Variants in SCRN3 observed in about 807,000 individuals in gnomAD.
SCRN3 encodes secernin-3.
In SCRN3, 39 loss-of-function variants were observed where a neutral mutation model predicts 43.1. The ratio of observed to expected loss-of-function variants is 0.91; its 90% CI spans 0.70 to 1.18. The LOEUF is 1.18. Ranked by LOEUF, SCRN3 falls within the 50% of genes most tolerant of loss-of-function variation. SCRN3 has a pLI of 0.00. For missense variants in SCRN3, 484 were observed against 498.0 expected (o/e 0.97, Z 0.27); for synonymous variants, 147 against 163.1 (o/e 0.90, Z 0.75).
intron 5 of SCRN3, chr2:174,409,940 G>A (rs1685843840): frequency 6.9e-6 from 1 of 143,918 alleles, no homozygotes; most frequent in Admixed American, 6.8e-5. Context: ...CCCAGAGGTG[G>A]AGCCTACAGA....
chr2:174,418,314 A>C (rs1686185172), intron 5 of SCRN3, among the ~76,000 whole-genome samples: 1 of 152,190 alleles, frequency 6.6e-6, no homozygotes. Flanking sequence ...AAAATTGTCT[A>C]CCAGTACGTT....
At chr2:174,419,669 A>G (rs1686230014) in intron 5 of SCRN3, among the ~76,000 whole-genome samples, 1 of 152,206 alleles carries the variant, frequency 6.6e-6, no homozygotes. Flanking sequence ...GATTACAGGC[A>G]TAAGCCAGCT....
At chr2:174,412,005 G>A (rs1191694465) in intron 5 of SCRN3, among the ~76,000 whole-genome samples, 1 of 152,114 alleles carries the variant, frequency 6.6e-6, no homozygotes, top group African/African-American at 2.4e-5. Context: ...TTGCGGGTAA[G>A]ATGGAATAAG....
At chr2:174,404,344 A>T in intron 5 of SCRN3, 29 bp downstream of exon 5, 1 of 1,476,174 alleles carries the variant, frequency 6.8e-7, no homozygotes, top group Non-Finnish European at 9.4e-7. Context: ...TAATATTAGG[A>T]TGACAAACTA....
intron 1 of SCRN3, among the ~76,000 whole-genome samples, chr2:174,396,621 A>AC (rs1485453168): frequency 6.6e-6 from 1 of 151,980 alleles, no homozygotes; most frequent in Non-Finnish European, 1.5e-5. Context: ...ACATGGTGAA[A>AC]CCCCGTCTCT....
chr2:174,412,929 G>A (rs932712161), intron 5 of SCRN3, among the ~76,000 whole-genome samples: 20 of 140,450 alleles, frequency 1.4e-4, no homozygotes, highest in African/African-American at 4.0e-4. Flanking sequence ...TTGCAATGGC[G>A]CGATCTCAGC....
At chr2:174,417,617 A>G (rs915607270) in intron 5 of SCRN3, among the ~76,000 whole-genome samples, 6 of 152,052 alleles carry the variant, frequency 3.9e-5, no homozygotes, top group Non-Finnish European at 7.4e-5. Flanking sequence ...CTGGTGTCAA[A>G]CTTCTGACCT....
intron 7 of SCRN3, among the ~76,000 whole-genome samples, chr2:174,427,300 C>A (rs1184336335): frequency 6.6e-6 from 1 of 152,018 alleles, no homozygotes; most frequent in African/African-American, 2.4e-5. Flanking sequence ...TTGATTTTTT[C>A]CTGAACATTA....
chr2:174,424,759 A>G (rs972261757), intron 7 of SCRN3, 110 bp downstream of exon 7: 3 of 816,960 alleles, frequency 3.7e-6, no homozygotes, highest in Non-Finnish European at 5.7e-6. Flanking sequence ...AAATAGTTTT[A>G]GGAATAGTTT....
intron 3 of SCRN3, 95 bp downstream of exon 3, chr2:174,400,198 C>A: frequency 3.5e-6 from 3 of 867,940 alleles, no homozygotes; most frequent in Non-Finnish European, 5.2e-6. Flanking sequence ...TTTGAGGGGG[C>A]TTTGATACTT....
At chr2:174,395,948 G>A (rs533350742) in intron 1 of SCRN3, 131 bp downstream of exon 1, 49 of 1,408,300 alleles carry the variant, frequency 3.5e-5, no homozygotes, top group Middle Eastern at 4.5e-4. Context: ...GAGCGCCCAG[G>A]GCCGGGGTGC....
At position 174,429,297 on chromosome 2, in the gene SCRN3, C is replaced by G. The variant is rs1559088309; in HGVS notation, c.*1402C>G. ...CATGTTTTCACCTTCTCCTTTGCTG[C>G]CACCTTGGCCTAAACTAGCACCGTC... On this transcript the variant is annotated 3_prime_UTR_variant, in exon 8 of 8. Transcript: ENST00000272732. 1 of 152,138 alleles carries G rather than the reference C, an allele frequency of 6.6e-6. No individual in the cohort carries two copies. Among genetic ancestry groups the G allele is most frequent in the Non-Finnish European group, 1.5e-5 (1 of 68,026 alleles). The allele number at this position is 152,138 out of a possible 1,614,324, so 9.4% of individuals were successfully genotyped here. A position where few individuals can be genotyped will look rare whatever the true frequency, so the allele number is the denominator to read the frequency against.
chr2:174,412,107 C>T (rs183788817), intron 5 of SCRN3, among the ~76,000 whole-genome samples: 10 of 149,722 alleles, frequency 6.7e-5, no homozygotes, highest in African/African-American at 1.5e-4. Flanking sequence ...AAAAGTAAAA[C>T]GGAGCAGTTA....
At chr2:174,397,013 C>G (rs964918262) in intron 1 of SCRN3, 41 of 913,544 alleles carry the variant, frequency 4.5e-5, no homozygotes, top group Middle Eastern at 5.6e-4. Flanking sequence ...ATTAAATAGT[C>G]TGCCAAAGTT....
At chr2:174,417,856 AG>A (rs1337909789) in intron 5 of SCRN3, among the ~76,000 whole-genome samples, 1 of 152,206 alleles carries the variant, frequency 6.6e-6, no homozygotes, top group African/African-American at 2.4e-5. Context: ...GTGTGTGCTT[AG>A]TAAGTATTGA....
chr2:174,427,301 C>A (rs942860805), intron 7 of SCRN3, among the ~76,000 whole-genome samples: 1 of 152,118 alleles, frequency 6.6e-6, no homozygotes, highest in African/African-American at 2.4e-5. Flanking sequence ...TGATTTTTTC[C>A]TGAACATTAT....
At chr2:174,395,896 T>C in intron 1 of SCRN3, 79 bp downstream of exon 1, 1 of 1,434,090 alleles carries the variant, frequency 7.0e-7, no homozygotes, top group Non-Finnish European at 9.2e-7. Context: ...CGGCACTGCT[T>C]GACCGAGGGG....
chr2:174,415,389 T>C (rs1425848361), intron 5 of SCRN3, among the ~76,000 whole-genome samples: 1 of 152,236 alleles, frequency 6.6e-6, no homozygotes, highest in African/African-American at 2.4e-5. Context: ...AAATTAGATA[T>C]ATTCTTACAT....
intron 6 of SCRN3, among the ~76,000 whole-genome samples, chr2:174,423,279 G>A (rs75045723): frequency 0.02 from 3,055 of 152,096 alleles, 93 homozygotes; most frequent in African/African-American, 0.069. Context: ...CTCCTTCTTC[G>A]TACAAATAGA....
Sources: allele counts gnomAD v4.1 joint callset (sites outside exome capture counted in the v4.1 genomes callset), GRCh38; gene constraint gnomAD v4.1.1; transcripts MANE v1.5; gene names NCBI Gene and HGNC (gene_info 2026-07-23, HGNC 2026-07-21).